The following LETM2 variants were observed in gnomAD, a reference collection of about 807,000 sequenced individuals.
The protein encoded by LETM2 is leucine zipper and EF-hand containing transmembrane protein 2, also known as LETM1 domain-containing protein LETM2, mitochondrial.
A neutral mutation model predicts 59.6 loss-of-function variants in LETM2; 58 were observed. That is an observed-to-expected ratio of 0.97 (90% CI 0.79 to 1.21). LETM2 has a LOEUF of 1.21. Among genes scored for constraint, LETM2 ranks in the 50% most tolerant of loss-of-function variants. The probability of loss-of-function intolerance (pLI) is 0.00; values close to 1 mark genes in which losing one functional copy is unlikely to be tolerated. For missense variants in LETM2, 572 were observed against 575.7 expected (o/e 0.99, Z 0.07); for synonymous variants, 199 against 214.1 (o/e 0.93, Z 0.62).
intron 5 of LETM2, 62 bp from the exon 6 acceptor site, chr8:38,400,791 A>G: frequency 6.3e-6 from 9 of 1,419,886 alleles, no homozygotes; most frequent in South Asian, 6.1e-5. Flanking sequence ...CAAATAGCCT[A>G]TTGGGAAAGT....
At chr8:38,406,869 G>C in intron 8 of LETM2, 77 bp from the exon 9 acceptor site, 1 of 864,656 alleles carries the variant, frequency 1.2e-6, no homozygotes, top group Non-Finnish European at 1.9e-6. Context: ...GCTAAAAAAG[G>C]CATTGACTAC....
At chr8:38,382,954 A>C (rs1360395240), upstream of LETM2, 2 of 151,856 alleles carry the variant, frequency 1.3e-5, no homozygotes, top group African/African-American at 4.8e-5. This position sits in a 1 kb window ranked among gnomAD's most constrained non-coding sequence, Gnocchi z 4.2. Flanking sequence ...GAGCGCCTCG[A>C]CCTCCCCGGC....
At position 38,400,999 on chromosome 8, in the gene LETM2, C is replaced by T; in HGVS notation, c.930C>T (p.Asn310=). Residue 310 remains asparagine (N), a synonymous_variant, in exon 6 of 11, where the codon AAC becomes AAT. Transcript: ENST00000379957. ...AATTGCAGACATTTGGAACCAACAACCTGCTCCGCTTTCAGCTCCTGATGA... is the reference window on the plus strand; with the variant it reads ...AATTGCAGACATTTGGAACCAACAATCTGCTCCGCTTTCAGCTCCTGATGA... The part of the protein sequence containing the change: ...LLELQTFGTN[N]LLRFQLLMKL... 1 of 1,614,128 alleles carries T rather than the reference C, an allele frequency of 6.2e-7. No homozygotes were observed. Among genetic ancestry groups the T allele is most frequent in the Non-Finnish European group, 8.5e-7 (1 of 1,179,996 alleles).
chr8:38,399,391 T>G (rs1019407880), intron 4 of LETM2, among the ~76,000 whole-genome samples: 4 of 152,178 alleles, frequency 2.6e-5, no homozygotes, highest in African/African-American at 9.7e-5. Context: ...AGAGTCCATT[T>G]CCTAGTTTTC....
At position 38,407,411 on chromosome 8, in the gene LETM2, C is replaced by A; in HGVS notation, c.1361C>A (p.Pro454Gln). ...PPPVTSSPIT[P>Q]STPISLPKGP... ...CCAGTTACATCATCACCCATAACACCATCAACACCTATTTCATTACCTAAA... is the reference window on the plus strand; with the variant it reads ...CCAGTTACATCATCACCCATAACACAATCAACACCTATTTCATTACCTAAA... The change falls in exon 10 of 11, where the codon CCA (proline) becomes CAA (glutamine). Residue 454 changes from proline to glutamine, a missense_variant. Pro to Gln is a moderately conservative substitution (Grantham distance 76). Transcript: ENST00000379957. 1 of 1,613,468 alleles carries A rather than the reference C, an allele frequency of 6.2e-7. No individual in the cohort carries two copies.
chr8:38,405,457 C>G (rs1170563185), intron 8 of LETM2, among the ~76,000 whole-genome samples: 1 of 152,176 alleles, frequency 6.6e-6, no homozygotes, highest in East Asian at 1.9e-4. Flanking sequence ...AGTCCAAGTA[C>G]TAAGTGAGGG....
Position 38,401,066 on chromosome 8 carries a change from C to T in LETM2, c.984+13C>T, listed in dbSNP as rs765329248. 6.3e-7 allele frequency: 1 copy of T among 1,598,034 alleles called. No individual in the cohort carries two copies. Among genetic ancestry groups the T allele is most frequent in the Non-Finnish European group, 8.6e-7 (1 of 1,166,304 alleles). ...AGCAGATGATGAAGTAAGAGCTTAA[C>T]CATAGCTCTAGGGAATTAGCAAGGT... On this transcript the variant is annotated intron_variant, in intron 6 of 10. Coordinates refer to ENST00000379957, the MANE Select transcript of LETM2 (RefSeq NM_001286819.2).
In LETM2 at chr8:38,394,173, T is replaced by G. The variant is rs1429970291; in HGVS notation, c.577T>G (p.Leu193Val). 5 of 1,517,788 alleles carry G rather than the reference T, an allele frequency of 3.3e-6. No homozygotes were observed. Among genetic ancestry groups the G allele is most frequent in the Non-Finnish European group, 4.4e-6 (5 of 1,139,218 alleles). The allele number at this position is 1,517,788 out of a possible 1,614,324, so 94.0% of individuals were successfully genotyped here. Reference sequence around the variant, plus strand: ...CTTAATTGTACCCTTCATGGAATTCTTATTACCAGTGTTTCTGAAACTCTT... The same window carrying G: ...CTTAATTGTACCCTTCATGGAATTCGTATTACCAGTGTTTCTGAAACTCTT... The part of the protein sequence containing the change: ...VFLIVPFMEF[L>V]LPVFLKLFPE... The change falls in exon 4 of 11, where the codon TTA becomes GTA. Residue 193 changes from leucine to valine, a missense_variant. Coordinates refer to ENST00000379957, the MANE Select transcript of LETM2 (RefSeq NM_001286819.2).
intron 2 of LETM2, 31 bp downstream of exon 2, chr8:38,388,061 C>T (rs762693636): frequency 7.3e-6 from 10 of 1,376,526 alleles, no homozygotes; most frequent in African/African-American, 4.5e-5. Flanking sequence ...CCAATATGAA[C>T]GTAATTCTTC....
rs1270982612 is a variant in LETM2 at position 38,400,775 on chromosome 8, C to T, written c.784-78C>T. ...CAGAGTCCCATAAATGCTTTGATGTCTCTTTCAAATAGCCTATTGGGAAAG... is the reference window on the plus strand; with the variant it reads ...CAGAGTCCCATAAATGCTTTGATGTTTCTTTCAAATAGCCTATTGGGAAAG... On this transcript the variant is annotated intron_variant, in intron 5 of 10. Transcript: ENST00000379957. 4 of 1,277,874 alleles carry T rather than the reference C, an allele frequency of 3.1e-6. No individual in the cohort carries two copies. In the Middle Eastern group the frequency reaches 5.7e-4, roughly 182 times the overall value. The allele number at this position is 1,277,874 out of a possible 1,614,324, so 79.2% of individuals were successfully genotyped here. A position where few individuals can be genotyped will look rare whatever the true frequency, so the allele number is the denominator to read the frequency against.
At chr8:38,397,367 G>A (rs1415193851) in intron 4 of LETM2, among the ~76,000 whole-genome samples, 2 of 152,164 alleles carry the variant, frequency 1.3e-5, no homozygotes, top group East Asian at 1.9e-4. Context: ...TTTTAAATCA[G>A]TAAGATTGGA....
upstream of LETM2, among the ~76,000 whole-genome samples, chr8:38,383,664 C>A (rs1399836862): frequency 1.3e-5 from 2 of 151,952 alleles, no homozygotes; most frequent in East Asian, 3.8e-4. Flanking sequence ...GGCGCAGTGG[C>A]TCACGCCTGT....
intron 1 of LETM2, 60 bp from the exon 2 acceptor site, chr8:38,387,890 A>G: frequency 1.4e-6 from 1 of 709,156 alleles, no homozygotes; most frequent in Non-Finnish European, 2.4e-6. Context: ...TAAAATCCTG[A>G]TGTCTTTTAA....
At chr8:38,407,247 T>C (rs1813797882) in intron 9 of LETM2, 115 bp from the exon 10 acceptor site, 7 of 903,602 alleles carry the variant, frequency 7.7e-6, no homozygotes, top group Non-Finnish European at 1.2e-5. Context: ...TTTTGAATCC[T>C]GTGCCAGGAT....
rs993321429 is a variant in LETM2 at position 38,399,947 on chromosome 8, A to G, written c.646-325A>G. 2.7e-5 allele frequency among the ~76,000 whole-genome samples: 4 copies of G among 149,960 alleles called. No individual in the cohort carries two copies. The South Asian group carries it at 8.5e-4, about 32-fold the overall frequency. On this transcript the variant is annotated intron_variant, in intron 4 of 10. Coordinates refer to ENST00000379957, the MANE Select transcript of LETM2 (RefSeq NM_001286819.2). ...GGCAACAGAGTGGGACTTGATCTCA[A>G]AAAGAGAGAGAGAGAGAGAGAGAGA...
intron 4 of LETM2, chr8:38,397,252 C>G (rs1812763204): frequency 1.7e-5 from 7 of 420,306 alleles, no homozygotes; most frequent in Admixed American, 5.4e-5. Flanking sequence ...TCTTGGCTCA[C>G]TGCAACCTCC....
At chr8:38,407,755 G>A (rs2150460720) in intron 10 of LETM2, among the ~76,000 whole-genome samples, 1 of 152,296 alleles carries the variant, frequency 6.6e-6, no homozygotes, top group East Asian at 1.9e-4. Flanking sequence ...GTTTCCATGT[G>A]TTATTTTACA....
chr8:38,408,963 A>G lies in LETM2; in HGVS notation c.*689A>G, dbSNP rs1343940096. 1 of 152,248 alleles carries G rather than the reference A, an allele frequency of 6.6e-6. No homozygotes were observed. Among genetic ancestry groups the G allele is most frequent in the Non-Finnish European group, 1.5e-5 (1 of 68,100 alleles). The allele number at this position is 152,248 out of a possible 1,614,324, so 9.4% of individuals were successfully genotyped here. On this transcript the variant is annotated 3_prime_UTR_variant, in exon 11 of 11. Coordinates refer to ENST00000379957, the MANE Select transcript of LETM2 (RefSeq NM_001286819.2). ...TTCATTAGCCACCATTTTGCTAGGAAGCATAATTAAGGGTTTAAGCCTTAA... is the reference window on the plus strand; with the variant it reads ...TTCATTAGCCACCATTTTGCTAGGAGGCATAATTAAGGGTTTAAGCCTTAA...
intron 2 of LETM2, among the ~76,000 whole-genome samples, chr8:38,390,664 ATTTTTG>A (rs1410770940): frequency 7.5e-6 from 1 of 132,526 alleles, no homozygotes; most frequent in Admixed American, 7.8e-5. Context: ...CAAATTTTTT[ATTTTTG>A]TTTTTTTGTT....
Sources: gnomAD v4.1 joint callset for allele counts (sites outside exome capture counted in the v4.1 genomes callset) on GRCh38, gnomAD v4.1.1 for gene constraint, Gnocchi (gnomAD v3.1) non-coding constraint, MANE v1.5 for transcripts, NCBI Gene and HGNC (gene_info 2026-07-23, HGNC 2026-07-21) for gene names.